The following TTK variants were observed in gnomAD, a reference collection of about 807,000 sequenced individuals.
The protein encoded by TTK is dual specificity protein kinase TTK.
TTK carries 59 observed loss-of-function variants against 117.3 expected under a neutral mutation model. The observed-to-expected ratio is 0.50, with a 90% CI of 0.41 to 0.62. TTK has a LOEUF of 0.62. Among genes scored for constraint, TTK ranks in the 20% least tolerant of loss-of-function variants. TTK has a pLI of 0.00. For missense variants in TTK, 921 were observed against 989.4 expected (o/e 0.93, Z 0.93); for synonymous variants, 302 against 325.0 (o/e 0.93, Z 0.76).
intron 17 of TTK, 108 bp downstream of exon 17, chr6:80,036,707 G>T: frequency 1.7e-6 from 2 of 1,177,926 alleles, no homozygotes; most frequent in Non-Finnish European, 2.3e-6. Flanking sequence ...ATTCTTCAAA[G>T]GATTTGAAGT....
Position 80,008,388 on chromosome 6 carries a change from T to G in TTK, c.365T>G (p.Ile122Ser). The change falls in exon 4 of 22, where the codon ATT (isoleucine) becomes AGT (serine). Residue 122 changes from isoleucine to serine, a missense_variant and splice_region_variant. Transcript: ENST00000369798. ...IQVRFAELKA[I>S]QEPDDARDYF... ...TTGACTCAAATCTTTTATTACAGTATTCAAGAGCCAGATGATGCACGTGAC... is the reference window on the plus strand; with the variant it reads ...TTGACTCAAATCTTTTATTACAGTAGTCAAGAGCCAGATGATGCACGTGAC... 6.2e-7 allele frequency: 1 copy of G among 1,609,504 alleles called. No homozygotes were observed. The highest frequency in any genetic ancestry group is 8.5e-7 in the Non-Finnish European group (1 of 1,178,422).
In TTK at chr6:80,038,068, A is replaced by G. The variant is rs188212528; in HGVS notation, c.2130+21A>G. 1.4e-5 allele frequency: 22 copies of G among 1,529,118 alleles called. No homozygotes were observed. In the Admixed American group the frequency reaches 3.0e-4, roughly 21 times the overall value. The allele number at this position is 1,529,118 out of a possible 1,614,324, so 94.7% of individuals were successfully genotyped here. On this transcript the variant is annotated intron_variant, in intron 18 of 21. Coordinates refer to ENST00000369798, the MANE Select transcript of TTK (RefSeq NM_003318.5). Reference sequence around the variant, plus strand: ...CAAAGGTACTGAAAAGATTATTTACATCACAATTATCTGGCAACAGTAGGG... The same window carrying G: ...CAAAGGTACTGAAAAGATTATTTACGTCACAATTATCTGGCAACAGTAGGG...
Position 80,008,125 on chromosome 6 carries a change from G to GA in TTK, c.362+98dup, listed in dbSNP as rs1288953481. 5 of 1,377,784 alleles carry GA rather than the reference G, an allele frequency of 3.6e-6. No homozygotes were observed. In the African/African-American group the frequency reaches 4.4e-5, roughly 12 times the overall value. 85.3% of individuals were successfully genotyped at this position (1,377,784 alleles called of 1,614,324 possible). ...AATAAAAAACATGGCAGTATTGTGA[G>GA]AAAATATTAATTTTTTTACCAAATA... On this transcript the variant is annotated intron_variant, in intron 3 of 21. Transcript: ENST00000369798.
intron 13 of TTK, 112 bp downstream of exon 13, chr6:80,028,123 A>G (rs1767654973): frequency 8.2e-7 from 1 of 1,216,958 alleles, no homozygotes; most frequent in African/African-American, 1.6e-5. Context: ...GGCCATTCTT[A>G]TTTCCACTAG....
At chr6:80,033,796 C>T in intron 14 of TTK, among the ~76,000 whole-genome samples, 1 of 152,108 alleles carries the variant, frequency 6.6e-6, no homozygotes, top group Non-Finnish European at 1.5e-5. Context: ...ATATTGGTTT[C>T]ATTATACATT....
At chr6:80,026,934 G>T (rs1331539287) in intron 12 of TTK, among the ~76,000 whole-genome samples, 1 of 152,128 alleles carries the variant, frequency 6.6e-6, no homozygotes, top group Non-Finnish European at 1.5e-5. Flanking sequence ...GAAGAGATTG[G>T]TTTTTACAGT....
At chr6:80,023,958 TCTC>T (rs1767536851) in intron 11 of TTK, among the ~76,000 whole-genome samples, 1 of 152,166 alleles carries the variant, frequency 6.6e-6, no homozygotes, top group South Asian at 2.1e-4. Flanking sequence ...CAAACCAGCA[TCTC>T]CTCTTTTTTT....
intron 16 of TTK, among the ~76,000 whole-genome samples, chr6:80,035,721 G>C (rs653665): frequency 0.62 from 93,851 of 151,850 alleles, 29,441 homozygotes; most frequent in Admixed American, 0.73. Flanking sequence ...TAAGACTTTG[G>C]GGTTCAGGCA....
At chr6:80,011,291 G>C in intron 5 of TTK, 143 bp from the exon 6 acceptor site, 2 of 527,040 alleles carry the variant, frequency 3.8e-6, no homozygotes, top group Non-Finnish European at 6.6e-6. Flanking sequence ...AATTATCTTG[G>C]TATCATCTTC....
Position 80,024,030 on chromosome 6 carries a change from T to C in TTK, c.1257+1558T>C, listed in dbSNP as rs75507312. Among the ~76,000 whole-genome samples, 930 of 152,278 alleles carry C rather than the reference T, an allele frequency of 6.1e-3. 3 individuals carry two copies. Among genetic ancestry groups the C allele is most frequent in the Non-Finnish European group, 8.0e-3 (542 of 68,012 alleles). The stretch of plus-strand genomic sequence containing the variant: ...AGGGAACTGAAAACCATATGGATCA[T>C]TAAAGAAATGCAAAGCAAAACCATA... On this transcript the variant is annotated intron_variant, in intron 11 of 21. Transcript: ENST00000369798.
At chr6:80,024,852 T>C (rs1191740161) in intron 11 of TTK, among the ~76,000 whole-genome samples, 1 of 152,106 alleles carries the variant, frequency 6.6e-6, no homozygotes, top group Non-Finnish European at 1.5e-5. Flanking sequence ...GTGTGCTCTC[T>C]GTTCTGTGTC....
At chr6:80,012,130 G>T in intron 8 of TTK, 150 bp downstream of exon 8, 1 of 629,640 alleles carries the variant, frequency 1.6e-6, no homozygotes, top group Non-Finnish European at 2.5e-6. Context: ...CAGGAACAAA[G>T]GAATGAGTGG....
Position 80,042,166 on chromosome 6 carries a change from C to T in TTK, c.2538C>T (p.Ser846=). 1 of 1,602,914 alleles carries T rather than the reference C, an allele frequency of 6.2e-7. No individual in the cohort carries two copies. The highest frequency in any genetic ancestry group is 8.5e-7 in the Non-Finnish European group (1 of 1,173,426). ...GTGGTGAAAGTCATAATTCTTCATC[C>T]TCCAAGACTTTTGAAAAAAAAAGGG... ...YSGGESHNSS[S]SKTFEKKRGK... is the part of the protein sequence containing the mutation. Residue 846 remains serine, a synonymous_variant, in exon 22 of 22, where the codon TCC becomes TCT. Coordinates refer to ENST00000369798, the MANE Select transcript of TTK (RefSeq NM_003318.5).
intron 16 of TTK, 134 bp from the exon 17 acceptor site, chr6:80,036,341 G>A: frequency 9.5e-7 from 1 of 1,054,668 alleles, no homozygotes; most frequent in Non-Finnish European, 1.3e-6. Flanking sequence ...AATATTTGCA[G>A]AATATATAAA....
chr6:80,018,048 A>C (rs1335035606), intron 10 of TTK, among the ~76,000 whole-genome samples: 1 of 151,770 alleles, frequency 6.6e-6, no homozygotes, highest in East Asian at 2.0e-4. Flanking sequence ...GGTGGTATGT[A>C]CCTGTGGTCC....
chr6:80,006,682 G>A (rs2127713942), intron 2 of TTK, among the ~76,000 whole-genome samples: 1 of 152,218 alleles, frequency 6.6e-6, no homozygotes, highest in Non-Finnish European at 1.5e-5. Flanking sequence ...GTTGATTAGA[G>A]GAAGAATAGG....
At chr6:80,023,143 G>GT (rs1317601340) in intron 11 of TTK, among the ~76,000 whole-genome samples, 1 of 152,112 alleles carries the variant, frequency 6.6e-6, no homozygotes, top group Non-Finnish European at 1.5e-5. Context: ...ATATAGTAAA[G>GT]GCTTTATTAA....
At chr6:80,039,989 G>GT (rs200262282) in intron 19 of TTK, 117 bp downstream of exon 19, 14,150 of 1,055,270 alleles carry the variant, frequency 0.013, 128 homozygotes, top group Non-Finnish European at 0.016. Context: ...AACTGAATTA[G>GT]TTTTTTTACT....
At chr6:80,005,006 G>A (rs996990877) in intron 1 of TTK, 2 of 152,300 alleles carry the variant, frequency 1.3e-5, no homozygotes, top group Admixed American at 6.5e-5. Context: ...CCAAAGGACA[G>A]TCTCTCTTGT....
Sources: gnomAD v4.1 joint callset for allele counts (sites outside exome capture counted in the v4.1 genomes callset) on GRCh38, gnomAD v4.1.1 for gene constraint, MANE v1.5 for transcripts, NCBI Gene and HGNC (gene_info 2026-07-23, HGNC 2026-07-21) for gene names.